The following SLC67A1 variants were observed in gnomAD, a reference collection of about 807,000 sequenced individuals.
The protein encoded by SLC67A1 is solute carrier family 67 member 1.
At chr11:2,899,908 G>A in the SLC67A1 span, 15 of 560,578 alleles carry the variant, frequency 2.7e-5, no homozygotes, top group South Asian at 3.2e-4. Flanking sequence ...TCCTCCTGCC[G>A]CTTCATCCTC....
At chr11:2,913,185 G>A in the SLC67A1 span, among the ~76,000 whole-genome samples, 93 of 152,312 alleles carry the variant, frequency 6.1e-4, no homozygotes, top group East Asian at 0.018. Context: ...GGCGACCCAG[G>A]CCCGCCGCCC....
the SLC67A1 span, chr11:2,919,447 G>T: frequency 2.5e-4 from 359 of 1,418,628 alleles, 1 homozygote; most frequent in African/African-American, 4.4e-3. Context: ...GCACGGCAGG[G>T]GTCTCCAGTG....
the SLC67A1 span, among the ~76,000 whole-genome samples, chr11:2,911,889 C>T: frequency 6.6e-6 from 1 of 152,224 alleles, no homozygotes; most frequent in Non-Finnish European, 1.5e-5. Flanking sequence ...CAGTAGCTGC[C>T]AAGACGGCCT....
the SLC67A1 span, chr11:2,899,713 C>T: frequency 6.8e-7 from 1 of 1,461,214 alleles, no homozygotes; most frequent in Non-Finnish European, 9.0e-7. Context: ...CACACTGAGC[C>T]TGTTCATGAC....
the SLC67A1 span, chr11:2,899,723 CAA>C: frequency 1.4e-6 from 2 of 1,435,412 alleles, no homozygotes; most frequent in South Asian, 1.5e-5. Flanking sequence ...CTGTTCATGA[CAA>C]AAAAAAAGGT....
At chr11:2,905,639 G>A in the SLC67A1 span, among the ~76,000 whole-genome samples, 1 of 152,168 alleles carries the variant, frequency 6.6e-6, no homozygotes, top group South Asian at 2.1e-4. Context: ...ATAAAAATAC[G>A]TGTGCATGTG....
the SLC67A1 span, chr11:2,922,629 C>G: frequency 1.4e-6 from 1 of 709,472 alleles, no homozygotes; most frequent in Non-Finnish European, 2.0e-6. Flanking sequence ...ATGGGGTGGG[C>G]AGCCTAGGGT....
chr11:2,922,584 C>T, the SLC67A1 span: 5 of 1,602,608 alleles, frequency 3.1e-6, no homozygotes, highest in Non-Finnish European at 4.2e-6. Flanking sequence ...GTGGAGCAGC[C>T]TCCTCCAGGA....
the SLC67A1 span, among the ~76,000 whole-genome samples, chr11:2,906,053 A>G: frequency 6.6e-6 from 1 of 152,232 alleles, no homozygotes; most frequent in Non-Finnish European, 1.5e-5. Flanking sequence ...TGAGAAACTC[A>G]GCATCCTCTA....
the SLC67A1 span, chr11:2,916,629 T>C: frequency 6.2e-7 from 1 of 1,611,848 alleles, no homozygotes; most frequent in South Asian, 1.1e-5. Flanking sequence ...CAGGATTCAG[T>C]GCCCGGCCAT....
the SLC67A1 span, chr11:2,919,610 G>A: frequency 1.8e-6 from 1 of 566,230 alleles, no homozygotes; most frequent in South Asian, 2.3e-5. Flanking sequence ...GAGGACAGTG[G>A]ACTCCGGCCT....
At chr11:2,924,811 G>C in the SLC67A1 span, among the ~76,000 whole-genome samples, 1 of 149,748 alleles carries the variant, frequency 6.7e-6, no homozygotes, top group Non-Finnish European at 1.5e-5. This position sits in a 1 kb window ranked among gnomAD's most constrained non-coding sequence, Gnocchi z 8.6. Flanking sequence ...GTGGCAGGGG[G>C]TGGGGGACTG....
chr11:2,912,231 T>A, the SLC67A1 span, among the ~76,000 whole-genome samples: 4 of 152,124 alleles, frequency 2.6e-5, no homozygotes, highest in South Asian at 8.3e-4. Flanking sequence ...TGGCTGGTAA[T>A]CTGCCTTTGT....
the SLC67A1 span, among the ~76,000 whole-genome samples, chr11:2,913,496 G>T: frequency 6.6e-6 from 1 of 152,224 alleles, no homozygotes; most frequent in Non-Finnish European, 1.5e-5. Flanking sequence ...GACTGGGAAG[G>T]GTCAGGCCAG....
the SLC67A1 span, among the ~76,000 whole-genome samples, chr11:2,918,475 G>GT: frequency 1.3e-5 from 2 of 152,184 alleles, no homozygotes; most frequent in African/African-American, 4.8e-5. Context: ...TCAGCAGACC[G>GT]TAGGGCGTCA....
chr11:2,904,365 G>C, the SLC67A1 span, among the ~76,000 whole-genome samples: 1 of 152,206 alleles, frequency 6.6e-6, no homozygotes, highest in Admixed American at 6.5e-5. Context: ...CTCCCAGCCC[G>C]AGGGTGAGCC....
the SLC67A1 span, chr11:2,902,562 C>T: frequency 1.0e-6 from 1 of 985,388 alleles, no homozygotes; most frequent in Non-Finnish European, 1.2e-6. Context: ...CCCGCCCTAC[C>T]CCACCAGCCT....
At chr11:2,916,490 C>T in the SLC67A1 span, 3 of 693,014 alleles carry the variant, frequency 4.3e-6, no homozygotes, top group Non-Finnish European at 7.6e-6. Flanking sequence ...CTCTTTAGGC[C>T]ACAGACTGTG....
chr11:2,922,805 G>A, the SLC67A1 span, among the ~76,000 whole-genome samples: 1 of 152,146 alleles, frequency 6.6e-6, no homozygotes, highest in Non-Finnish European at 1.5e-5. Context: ...CCAGGGGCCT[G>A]GGAGGGGGCT....
Sources: gnomAD v4.1 joint callset for allele counts (sites outside exome capture counted in the v4.1 genomes callset) on GRCh38, gnomAD v4.1.1 for gene constraint, Gnocchi (gnomAD v3.1) non-coding constraint, MANE v1.5 for transcripts, NCBI Gene and HGNC (gene_info 2026-07-23, HGNC 2026-07-21) for gene names.